LBP: variants seen among roughly 807,000 people sequenced by gnomAD.
LBP encodes the protein lipopolysaccharide binding protein.
In LBP, 53 loss-of-function variants were observed where a neutral mutation model predicts 56.6. That is an observed-to-expected ratio of 0.94 (90% CI 0.75 to 1.18). The LOEUF (loss-of-function observed/expected upper bound fraction) is 1.18. Ranked by LOEUF, LBP falls within the 50% of genes most tolerant of loss-of-function variation. The pLI is 0.00. For synonymous variants in LBP, 227 were observed against 247.5 expected (o/e 0.92, Z 0.78); for missense variants, 601 against 598.3 (o/e 1.00, Z -0.05).
chr20:38,355,844 A>T (rs966137462), intron 5 of LBP, among the ~76,000 whole-genome samples: 3 of 152,046 alleles, frequency 2.0e-5, no homozygotes, highest in African/African-American at 7.3e-5. Flanking sequence ...CTGGATGGGG[A>T]GGCAGCAACA....
chr20:38,368,702 G>T (rs556699612), intron 9 of LBP, among the ~76,000 whole-genome samples: 1 of 152,296 alleles, frequency 6.6e-6, no homozygotes, highest in South Asian at 2.1e-4. Flanking sequence ...CTCACAGGAG[G>T]TGGTCATTAT....
chr20:38,360,934 G>A (rs73621943), intron 6 of LBP, among the ~76,000 whole-genome samples, 167 bp downstream of exon 6: 5 of 152,224 alleles, frequency 3.3e-5, no homozygotes, highest in South Asian at 2.1e-4. Flanking sequence ...AGGCCGAGGC[G>A]GGTGGATCAC....
chr20:38,372,383 G>A (rs1161966239), intron 12 of LBP, among the ~76,000 whole-genome samples: 1 of 152,194 alleles, frequency 6.6e-6, no homozygotes, highest in African/African-American at 2.4e-5. Context: ...AGAATAAAGG[G>A]TGGAGTGAAT....
rs757072905 is a variant in LBP, at chr20:38,366,830, T to C, written c.981+2T>C. ...TCCTTCCGACCCTTCGTCCCACGGGTAAGGAGTCCCTTAGTTCCCCATGAG... is the reference window on the plus strand; with the variant it reads ...TCCTTCCGACCCTTCGTCCCACGGGCAAGGAGTCCCTTAGTTCCCCATGAG... On this transcript the variant is annotated splice_donor_variant, in intron 9 of 14. Transcript: ENST00000217407. LOFTEE classifies it high-confidence loss of function. 1 of 1,613,832 alleles carries C rather than the reference T, an allele frequency of 6.2e-7. No individual in the cohort carries two copies. The highest frequency in any genetic ancestry group is 1.7e-5 in the Admixed American group (1 of 60,024).
At chr20:38,363,720 ATG>A (rs1000366832) in intron 6 of LBP, among the ~76,000 whole-genome samples, 4 of 150,580 alleles carry the variant, frequency 2.7e-5, no homozygotes, top group Non-Finnish European at 5.9e-5. Flanking sequence ...GTGTGTGTGT[ATG>A]TGTGTGTGTG....
At chr20:38,350,118 T>C (rs2076815371) in intron 2 of LBP, among the ~76,000 whole-genome samples, 1 of 152,140 alleles carries the variant, frequency 6.6e-6, no homozygotes, top group South Asian at 2.1e-4. Context: ...TTACTAGACT[T>C]GAGCAGCTGA....
intron 9 of LBP, among the ~76,000 whole-genome samples, chr20:38,368,264 A>C (rs935476819): frequency 4.6e-5 from 7 of 152,062 alleles, no homozygotes; most frequent in Admixed American, 2.6e-4. Flanking sequence ...AATGGGCCCA[A>C]CTTTTCTGGA....
chr20:38,368,257 G>T lies in LBP; in HGVS notation c.982-738G>T, dbSNP rs183454228. ...GGAGAGGTAGGGAGGGAGAAAAAAT[G>T]GGCCCAACTTTTCTGGAGGACAATT... On this transcript the variant is annotated intron_variant, in intron 9 of 14. Transcript: ENST00000217407. Among the ~76,000 whole-genome samples the T allele has an allele frequency of 3.3e-4, 50 of 152,206 alleles. No homozygotes were observed. The East Asian group carries it at 9.7e-3, about 29-fold the overall frequency.
In LBP at chr20:38,351,002, A is replaced by G. The variant is rs1441958791; in HGVS notation, c.368+63A>G. The G allele has an allele frequency of 3.2e-6, 5 of 1,576,836 alleles. No individual in the cohort carries two copies. In the Admixed American group the frequency reaches 8.6e-5, roughly 27 times the overall value. On this transcript the variant is annotated intron_variant, in intron 3 of 14. Transcript: ENST00000217407. ...CCTTGGCCTTCGCCCCATCCTTCTTAGGTCCAAGGTGTTCCTAGCTTATCA... is the reference window on the plus strand; with the variant it reads ...CCTTGGCCTTCGCCCCATCCTTCTTGGGTCCAAGGTGTTCCTAGCTTATCA...
In LBP at chr20:38,364,077, TG is replaced by T; in HGVS notation, c.744+15del. The stretch of plus-strand genomic sequence containing the variant: ...GAGGTGATGTTTAAGGTGAGGGTCC[TG>T]GGGCCGGGCTGCGTGGGTGAGGCTT... On this transcript the variant is annotated intron_variant, in intron 7 of 14. Transcript: ENST00000217407. The T allele has an allele frequency of 6.3e-7, 1 of 1,597,274 alleles. No homozygotes were observed. Among genetic ancestry groups the T allele is most frequent in the South Asian group, 1.1e-5 (1 of 90,712 alleles).
At chr20:38,369,314 C>T in intron 10 of LBP, 152 bp downstream of exon 10, 1 of 765,962 alleles carries the variant, frequency 1.3e-6, no homozygotes, top group Non-Finnish European at 2.0e-6. Context: ...CTTGCTGGCC[C>T]TTACCCCCAA....
chr20:38,363,858 T>G (rs934384884), intron 6 of LBP, 117 bp from the exon 7 acceptor site: 3 of 727,086 alleles, frequency 4.1e-6, no homozygotes, highest in Admixed American at 4.3e-5. Context: ...AGGGCCGGGC[T>G]AGTAGGGGGA....
chr20:38,350,421 T>A (rs938887923), intron 2 of LBP, among the ~76,000 whole-genome samples: 13 of 152,038 alleles, frequency 8.6e-5, no homozygotes, highest in African/African-American at 3.1e-4. Flanking sequence ...TACCTGGATG[T>A]ATTGAGAGAG....
At chr20:38,358,140 CCT>C (rs1351366127) in intron 5 of LBP, among the ~76,000 whole-genome samples, 22 of 152,156 alleles carry the variant, frequency 1.4e-4, no homozygotes, top group Admixed American at 1.2e-3. Context: ...TCATTTTGCC[CCT>C]GTTCTAGATG....
chr20:38,370,625 C>A, intron 10 of LBP, 113 bp from the exon 11 acceptor site: 1 of 937,564 alleles, frequency 1.1e-6, no homozygotes. Flanking sequence ...AAATTTCCTG[C>A]TTTAGCTCAT....
chr20:38,363,029 G>A (rs1468727795), intron 6 of LBP, among the ~76,000 whole-genome samples: 1 of 152,180 alleles, frequency 6.6e-6, no homozygotes, highest in African/African-American at 2.4e-5. Context: ...TATTCTCCTT[G>A]CTGCATAGTA....
intron 8 of LBP, 30 bp from the exon 9 acceptor site, chr20:38,366,739 C>G (rs1384896727): frequency 6.2e-7 from 1 of 1,611,774 alleles, no homozygotes; most frequent in South Asian, 1.1e-5. Context: ...CGGGAGCACC[C>G]TAAAACTTCT....
Position 38,363,000 on chromosome 20 carries a change from A to G in LBP, c.653-975A>G, listed in dbSNP as rs11536971. ...GAGGTCCATGCATATTGTTGCATGC[A>G]CCTGTAGTGTAGCTGGTTTATTCTC... On this transcript the variant is annotated intron_variant, in intron 6 of 14. Transcript: ENST00000217407. Among the ~76,000 whole-genome samples the G allele has an allele frequency of 5.4e-3, 829 of 152,302 alleles. 4 individuals carry two copies. Among genetic ancestry groups the G allele is most frequent in the Non-Finnish European group, 9.0e-3 (615 of 68,028 alleles).
At chr20:38,353,483 T>C (rs527739734) in intron 3 of LBP, among the ~76,000 whole-genome samples, 3,843 of 14,810 alleles carry the variant, frequency 0.26, 285 homozygotes, top group African/African-American at 0.47. Flanking sequence ...TGCTTCCTTT[T>C]TTTTTTTTTT....
Sources: gnomAD v4.1 joint callset for allele counts (sites outside exome capture counted in the v4.1 genomes callset) on GRCh38, gnomAD v4.1.1 for gene constraint, MANE v1.5 for transcripts, NCBI Gene and HGNC (gene_info 2026-07-23, HGNC 2026-07-21) for gene names.